Variants in USP54 observed in about 807,000 individuals in gnomAD.
The protein encoded by USP54 is ubiquitin specific peptidase 54, also known as ubiquitin carboxyl-terminal hydrolase 54.
Under a neutral mutation model 170.5 loss-of-function variants are expected in USP54, and 87 were observed. The observed-to-expected ratio is 0.51, with a 90% CI of 0.43 to 0.61. USP54 has a LOEUF of 0.61. Among genes scored for constraint, USP54 ranks in the 20% least tolerant of loss-of-function variants. USP54 has a pLI of 0.00. For missense variants in USP54, 1,786 were observed against 2,047.8 expected, an observed-to-expected ratio of 0.87 and a Z score of 2.47; for synonymous variants, 655 against 742.8, an observed-to-expected ratio of 0.88 and a Z score of 1.92.
upstream of USP54, among the ~76,000 whole-genome samples, chr10:73,595,981 T>G (rs1409477922): frequency 3.3e-5 from 5 of 150,030 alleles, no homozygotes; most frequent in African/African-American, 7.4e-5. Flanking sequence ...CATGGTGGCG[T>G]GTGCCTGTAA....
chr10:73,521,096 C>A, intron 17 of USP54, 69 bp from the exon 18 acceptor site: 1 of 1,595,828 alleles, frequency 6.3e-7, no homozygotes. Context: ...TGTTGTTTCC[C>A]TTCAGTACAC....
chr10:73,564,542 A>G (rs1003367155), intron 4 of USP54, among the ~76,000 whole-genome samples: 18 of 152,102 alleles, frequency 1.2e-4, no homozygotes, highest in African/African-American at 4.3e-4. Flanking sequence ...TAGTTTTATA[A>G]TTCTTGATAT....
chr10:73,594,940 T>C (rs1306638638), upstream of USP54, among the ~76,000 whole-genome samples: 3 of 151,982 alleles, frequency 2.0e-5, no homozygotes, highest in Non-Finnish European at 2.9e-5. Flanking sequence ...CTTGGTTTTG[T>C]TTGAAGACAG....
chr10:73,537,179 C>G lies in USP54; in HGVS notation c.976-742G>C, dbSNP rs1008145945. On this transcript the variant is annotated intron_variant, in intron 10 of 23. Coordinates refer to ENST00000687698, the MANE Select transcript of USP54 (RefSeq NM_001391956.1). ...ATGTTCACAACAGATGTCCAGTAAA[C>G]TTAAAACTGAGTTATTAATTAAAAC... Among the ~76,000 whole-genome samples, 5 of 152,148 alleles carry G rather than the reference C, an allele frequency of 3.3e-5. 1 individual carries two copies. Among genetic ancestry groups the G allele is most frequent in the Non-Finnish European group, 7.4e-5 (5 of 68,024 alleles).
rs1347994434 is a variant in USP54 at position 73,498,537 on chromosome 10, G to A, written c.*92C>T. 1.2e-5 allele frequency: 16 copies of A among 1,310,220 alleles called. No homozygotes were observed. Among genetic ancestry groups the A allele is most frequent in the Non-Finnish European group, 1.5e-5 (15 of 971,270 alleles). 81.2% of individuals were successfully genotyped at this position (1,310,220 alleles called of 1,614,324 possible). ...GATCCACCCGCCTCAGCCTCCCAAAGTGCTGGGATTACAGGTGTGAGCCAC... is the reference window on the plus strand; with the variant it reads ...GATCCACCCGCCTCAGCCTCCCAAAATGCTGGGATTACAGGTGTGAGCCAC... On this transcript the variant is annotated 3_prime_UTR_variant, in exon 24 of 24. Transcript: ENST00000687698.
intron 1 of USP54, among the ~76,000 whole-genome samples, chr10:73,589,035 C>CT (rs1056946901): frequency 6.6e-6 from 1 of 152,232 alleles, no homozygotes; most frequent in Non-Finnish European, 1.5e-5. Flanking sequence ...GGACTTCTCT[C>CT]TCCCTCCCAG....
intron 22 of USP54, among the ~76,000 whole-genome samples, chr10:73,503,917 T>G (rs1274568110): frequency 3.9e-5 from 6 of 152,170 alleles, no homozygotes; most frequent in African/African-American, 1.4e-4. Context: ...ATTTTTGCCA[T>G]GTTGGCCAGG....
chr10:73,588,455 C>T (rs974009177), intron 1 of USP54, among the ~76,000 whole-genome samples: 4 of 152,158 alleles, frequency 2.6e-5, no homozygotes, highest in Non-Finnish European at 4.4e-5. Flanking sequence ...AACTCCTGAC[C>T]TCAAGCGATC....
chr10:73,554,411 T>A (rs907519941), intron 4 of USP54, among the ~76,000 whole-genome samples: 2 of 152,238 alleles, frequency 1.3e-5, no homozygotes, highest in Non-Finnish European at 2.9e-5. Context: ...TTGGCCAGTC[T>A]GGCTTCTTTG....
chr10:73,579,950 CA>C (rs1297835088), intron 1 of USP54, among the ~76,000 whole-genome samples: 5 of 151,878 alleles, frequency 3.3e-5, no homozygotes, highest in Admixed American at 6.6e-5. Flanking sequence ...AAAACAAAAA[CA>C]AAAAAACTTT....
chr10:73,572,817 A>T (rs749784402), intron 3 of USP54, among the ~76,000 whole-genome samples: 9 of 152,200 alleles, frequency 5.9e-5, no homozygotes, highest in Non-Finnish European at 1.3e-4. Context: ...TTAGAATGGG[A>T]AATCATAAAT....
chr10:73,581,490 G>T (rs2076904379), intron 1 of USP54, among the ~76,000 whole-genome samples: 1 of 152,066 alleles, frequency 6.6e-6, no homozygotes, highest in Non-Finnish European at 1.5e-5. Context: ...TAAGCTTCAG[G>T]ACTCTTTCTC....
chr10:73,511,033 G>A (rs946805958), intron 20 of USP54, among the ~76,000 whole-genome samples: 4 of 151,798 alleles, frequency 2.6e-5, no homozygotes, highest in African/African-American at 9.7e-5. Context: ...CTGGGGTTGG[G>A]GGAAGAAAAG....
chr10:73,602,855 C>CAAAAAAAA (rs60433926), intron 1 of USP54, among the ~76,000 whole-genome samples: 1 of 41,418 alleles, frequency 2.4e-5, no homozygotes, highest in African/African-American at 6.7e-5. Flanking sequence ...GACTCTGTCT[C>CAAAAAAAA]AAAAAAAAAA....
At chr10:73,550,849 G>A (rs1229259956) in intron 4 of USP54, among the ~76,000 whole-genome samples, 1 of 152,178 alleles carries the variant, frequency 6.6e-6, no homozygotes, top group Non-Finnish European at 1.5e-5. Context: ...GCTCACGCCT[G>A]CAATCCCAGC....
intron 4 of USP54, among the ~76,000 whole-genome samples, chr10:73,557,878 C>CTTTTTTTTTT (rs765656681): frequency 8.7e-6 from 1 of 114,988 alleles, no homozygotes; most frequent in Non-Finnish European, 1.8e-5. Context: ...AGCTATTATT[C>CTTTTTTTTTT]TTTTTTTTTT....
intron 1 of USP54, among the ~76,000 whole-genome samples, chr10:73,607,342 A>T (rs2079744413): frequency 6.6e-6 from 1 of 151,720 alleles, no homozygotes. Flanking sequence ...AAAAAGAAAA[A>T]AAAAAATAAA....
At chr10:73,518,305 A>C in intron 19 of USP54, 1 of 935,988 alleles carries the variant, frequency 1.1e-6, no homozygotes, top group Non-Finnish European at 1.3e-6. Context: ...ATGTTTTTAT[A>C]ATCTGGATTT....
At chr10:73,533,283 G>A (rs1221375331) in intron 12 of USP54, among the ~76,000 whole-genome samples, 3 of 151,990 alleles carry the variant, frequency 2.0e-5, no homozygotes, top group Non-Finnish European at 2.9e-5. Context: ...TCCAGCCTGG[G>A]CGACAGAGCG....
Sources: gnomAD v4.1 joint callset for allele counts (sites outside exome capture counted in the v4.1 genomes callset) on GRCh38, gnomAD v4.1.1 for gene constraint, MANE v1.5 for transcripts, NCBI Gene and HGNC (gene_info 2026-07-23, HGNC 2026-07-21) for gene names.